The following ZNF532 variants were observed in gnomAD, a reference collection of about 807,000 sequenced individuals.
ZNF532 encodes zinc finger protein 532.
In ZNF532, 22 loss-of-function variants were observed where a neutral mutation model predicts 89.3. The observed-to-expected ratio is 0.25, with a 90% CI of 0.18 to 0.35. The LOEUF (loss-of-function observed/expected upper bound fraction) is 0.35, where lower values mean the gene tolerates loss of function less well. Among genes scored for constraint, ZNF532 ranks in the 10% least tolerant of loss-of-function variants. ZNF532 has a pLI of 1.00. For missense variants in ZNF532, 1,132 were observed against 1,643.4 expected, an observed-to-expected ratio of 0.69 and a Z score of 5.38; for synonymous variants, 606 against 649.6, an observed-to-expected ratio of 0.93 and a Z score of 1.02.
intron 7 of ZNF532, among the ~76,000 whole-genome samples, chr18:58,960,598 A>G (rs1302400623): frequency 6.6e-6 from 1 of 152,258 alleles, no homozygotes; most frequent in African/African-American, 2.4e-5. Context: ...ATTGCAGATC[A>G]ATCTCCTTTT....
chr18:58,885,977 ATTTC>A (rs769657110), intron 2 of ZNF532, among the ~76,000 whole-genome samples: 26 of 151,806 alleles, frequency 1.7e-4, no homozygotes, highest in Non-Finnish European at 3.8e-4. Flanking sequence ...ATTTTACTTT[ATTTC>A]TTTATTTTTT....
In ZNF532 at chr18:58,901,448, C is replaced by T. The variant is rs1276547930; in HGVS notation, c.-17-16823C>T. Among the ~76,000 whole-genome samples, 3 of 152,136 alleles carry T rather than the reference C, an allele frequency of 2.0e-5. No homozygotes were observed. The East Asian group carries it at 5.8e-4, about 29-fold the overall frequency. ...AGGAGTCGCCTTGGGGAGCTGAGTC[C>T]ACGCCCCTCCGATATCTTCTTGGTT... is the stretch of plus-strand genomic sequence containing the variant. On this transcript the variant is annotated intron_variant, in intron 2 of 9. Transcript: ENST00000591808.
intron 2 of ZNF532, 79 bp from the exon 3 acceptor site, chr18:58,918,192 G>C: frequency 7.8e-7 from 1 of 1,283,116 alleles, no homozygotes; most frequent in South Asian, 1.5e-5. Context: ...CGTTATGTTA[G>C]TGTGAATTGT....
intron 7 of ZNF532, among the ~76,000 whole-genome samples, chr18:58,967,603 G>T (rs1269426713): frequency 1.3e-5 from 2 of 151,594 alleles, no homozygotes; most frequent in Non-Finnish European, 2.9e-5. Context: ...TTCTGCTGTT[G>T]TTCAACAGAT....
chr18:58,896,437 A>C (rs1484523225), intron 2 of ZNF532: 1 of 151,972 alleles, frequency 6.6e-6, no homozygotes, highest in African/African-American at 2.4e-5. Flanking sequence ...ACTTCAAGTA[A>C]GTGCAGCAGT....
chr18:58,888,715 A>AAAAAAT (rs1305781266), intron 2 of ZNF532, among the ~76,000 whole-genome samples: 1 of 46,760 alleles, frequency 2.1e-5, no homozygotes, highest in African/African-American at 1.2e-4. Flanking sequence ...ATATATATAT[A>AAAAAAT]TATATATATA....
In ZNF532 at chr18:58,934,435, G is replaced by T; in HGVS notation, c.2349G>T (p.Lys783Asn). The T allele has an allele frequency of 6.2e-7, 1 of 1,613,512 alleles. No individual in the cohort carries two copies. The highest frequency in any genetic ancestry group is 1.1e-5 in the South Asian group (1 of 90,976). The change falls in exon 4 of 10, where the codon AAG (lysine) becomes AAT (asparagine). Residue 783 changes from lysine to asparagine, a missense_variant and splice_region_variant. Lys to Asn is a moderately conservative substitution (Grantham distance 94). Transcript: ENST00000591808. Reference protein sequence around the residue: ...FQQAADTSGQKTCTICQMLLP... With the variant: ...FQQAADTSGQNTCTICQMLLP... ...GTTTCCCCCTTTGGTTTGTTTAGAA[G>T]ACTTGCACTATCTGCCAGATGCTGC... is the stretch of plus-strand genomic sequence containing the variant.
chr18:58,872,101 A>G (rs1028228119), intron 2 of ZNF532, among the ~76,000 whole-genome samples: 2 of 152,222 alleles, frequency 1.3e-5, no homozygotes, highest in East Asian at 1.9e-4. Context: ...TGAAATAAGT[A>G]ATTTTTAGAC....
chr18:58,868,656 T>G (rs1328707441), intron 2 of ZNF532, among the ~76,000 whole-genome samples: 2 of 152,238 alleles, frequency 1.3e-5, no homozygotes, highest in African/African-American at 2.4e-5. Flanking sequence ...GCTGTATGGA[T>G]GTACCACAGT....
chr18:58,886,549 G>A (rs574953369), intron 2 of ZNF532, among the ~76,000 whole-genome samples: 32 of 152,134 alleles, frequency 2.1e-4, no homozygotes, highest in African/African-American at 7.2e-4. Flanking sequence ...ATTTAGATAT[G>A]GTTACCATGG....
intron 7 of ZNF532, among the ~76,000 whole-genome samples, chr18:58,959,753 TTTAAA>T (rs2065168502): frequency 6.6e-6 from 1 of 152,194 alleles, no homozygotes; most frequent in African/African-American, 2.4e-5. Flanking sequence ...TAAGAGTCTT[TTTAAA>T]TTAAATAAAA....
At chr18:58,923,041 G>A (rs754454795) in intron 3 of ZNF532, among the ~76,000 whole-genome samples, 2 of 152,106 alleles carry the variant, frequency 1.3e-5, no homozygotes, top group Non-Finnish European at 2.9e-5. Flanking sequence ...TTGCTGGGAC[G>A]AGTACGCAGG....
Position 58,953,797 on chromosome 18 carries a change from A to C in ZNF532, c.3148A>C (p.Lys1050Gln). Residue 1050 changes from lysine to glutamine, a missense_variant and splice_region_variant, in exon 7 of 10, where the codon AAG becomes CAG. By Grantham distance (53) the Lys-to-Gln change is moderately conservative (BLOSUM62 1). Around this residue, in one of 9 missense-constraint regions of ZNF532, gnomAD observed 415 missense variants for 604.8 expected, o/e 0.69. Transcript: ENST00000591808. ...ATCCCACGTGAGGAAGGAGCACGGG[A>C]AGGTCAGTAAAGAATGAAAGCTGCT... ...YISHVRKEHG[K>Q]QMKKHPCRQC... is the part of the protein sequence containing the mutation. The C allele has an allele frequency of 1.2e-6, 2 of 1,610,334 alleles. No homozygotes were observed. The highest frequency in any genetic ancestry group is 1.7e-6 in the Non-Finnish European group (2 of 1,177,386).
At chr18:58,977,173 A>G (rs1489652446) in intron 7 of ZNF532, among the ~76,000 whole-genome samples, 2 of 152,216 alleles carry the variant, frequency 1.3e-5, no homozygotes, top group African/African-American at 4.8e-5. Context: ...ACCCTTTTGA[A>G]TATCTACCAG....
chr18:58,926,357 GA>G (rs2061522534), intron 3 of ZNF532: 1 of 152,140 alleles, frequency 6.6e-6, no homozygotes. Flanking sequence ...TTTGTTTTGA[GA>G]TGGCGTTTCG....
rs1308878763 is a variant in ZNF532 at position 58,985,093 on chromosome 18, G to T, written c.*627G>T. ...GGTGTTTAAAGCAGTCTTGCAGGTC[G>T]CTCCTTTCCCAGCCGTGGATAAAAA... On this transcript the variant is annotated 3_prime_UTR_variant, in exon 10 of 10. Transcript: ENST00000591808. 2.0e-5 allele frequency: 3 copies of T among 152,110 alleles called. No individual in the cohort carries two copies. Among genetic ancestry groups the T allele is most frequent in the Non-Finnish European group, 4.4e-5 (3 of 68,034 alleles). 9.4% of individuals were successfully genotyped at this position (152,110 alleles called of 1,614,324 possible).
intron 2 of ZNF532, among the ~76,000 whole-genome samples, chr18:58,902,719 C>G (rs2145691002): frequency 6.6e-6 from 1 of 152,058 alleles, no homozygotes; most frequent in African/African-American, 2.4e-5. Flanking sequence ...CTCGAACTCC[C>G]AACCTCAGGT....
rs574837564 is a variant in ZNF532, at chr18:58,986,467, T to G, written c.*2001T>G. The G allele has an allele frequency of 2.1e-4, 32 of 152,704 alleles. No individual in the cohort carries two copies. The highest frequency in any genetic ancestry group is 4.1e-4 in the South Asian group (2 of 4,836). The allele number at this position is 152,704 out of a possible 1,614,324, so 9.5% of individuals were successfully genotyped here. A position where few individuals can be genotyped will look rare whatever the true frequency, so the allele number is the denominator to read the frequency against. ...TCATTTATTCAACAAATAAAAAGTA[T>G]GTACAAAACATGATACAGAATTTTT... On this transcript the variant is annotated 3_prime_UTR_variant, in exon 10 of 10. Coordinates refer to ENST00000591808, the MANE Select transcript of ZNF532 (RefSeq NM_001375912.1).
chr18:58,970,115 A>G (rs1603320738), intron 7 of ZNF532, among the ~76,000 whole-genome samples: 1 of 150,870 alleles, frequency 6.6e-6, no homozygotes, highest in South Asian at 2.1e-4. Flanking sequence ...CAAACTCCTG[A>G]CCTCGTGATC....
Sources: gnomAD v4.1 joint callset for allele counts (sites outside exome capture counted in the v4.1 genomes callset) on GRCh38, gnomAD v4.1.1 for gene constraint, gnomAD v4.1.1 regional missense constraint, MANE v1.5 for transcripts, NCBI Gene and HGNC (gene_info 2026-07-23, HGNC 2026-07-21) for gene names.